PIP4K2A: variants seen among roughly 807,000 people sequenced by gnomAD.
The protein encoded by PIP4K2A is phosphatidylinositol-5-phosphate 4-kinase type 2 alpha, also known as phosphatidylinositol 5-phosphate 4-kinase type-2 alpha.
PIP4K2A carries 14 observed loss-of-function variants against 42.9 expected under a neutral mutation model. That is an observed-to-expected ratio of 0.33 (90% CI 0.22 to 0.51). The LOEUF is 0.51. PIP4K2A is among the 20% of genes least tolerant of loss of function. PIP4K2A has a pLI of 0.97. For missense variants in PIP4K2A, 434 were observed against 519.8 expected (o/e 0.83, Z 1.61); for synonymous variants, 192 against 192.2 (o/e 1.00, Z 0.01).
intron 1 of PIP4K2A, among the ~76,000 whole-genome samples, chr10:22,685,137 TTGAG>T (rs1391689521): frequency 3.3e-5 from 5 of 152,160 alleles, no homozygotes; most frequent in South Asian, 2.1e-4. Flanking sequence ...TCTGCTTGAA[TTGAG>T]TATTTAAAGT....
At chr10:22,687,947 T>C (rs1839795161) in intron 1 of PIP4K2A, among the ~76,000 whole-genome samples, 2 of 152,200 alleles carry the variant, frequency 1.3e-5, no homozygotes, top group Admixed American at 6.5e-5. Flanking sequence ...TTCACTATAG[T>C]CACTATTATC....
At chr10:22,594,929 C>G (rs1837599083) in intron 3 of PIP4K2A, among the ~76,000 whole-genome samples, 1 of 152,156 alleles carries the variant, frequency 6.6e-6, no homozygotes, top group South Asian at 2.1e-4. Context: ...TTTTAATAAT[C>G]CACGTGAGTA....
intron 1 of PIP4K2A, among the ~76,000 whole-genome samples, chr10:22,664,328 T>C (rs1357968381): frequency 6.7e-6 from 1 of 149,030 alleles, no homozygotes; most frequent in Non-Finnish European, 1.5e-5. Context: ...TCATCAGCAA[T>C]GTGTAACTGT....
At chr10:22,705,225 T>C (rs1221663985) in intron 1 of PIP4K2A, among the ~76,000 whole-genome samples, 1 of 151,762 alleles carries the variant, frequency 6.6e-6, no homozygotes, top group Non-Finnish European at 1.5e-5. Context: ...ATTTGAGATT[T>C]GTGGCAAATT....
intron 1 of PIP4K2A, among the ~76,000 whole-genome samples, chr10:22,641,385 A>T (rs1487818924): frequency 6.6e-6 from 1 of 152,132 alleles, no homozygotes; most frequent in East Asian, 1.9e-4. Flanking sequence ...ATAAGAGTGA[A>T]TTTTTGTTCT....
intron 9 of PIP4K2A, chr10:22,539,626 A>C (rs1836039001): frequency 4.4e-6 from 1 of 229,656 alleles, no homozygotes; most frequent in African/African-American, 2.3e-5. Context: ...GTAACATCCT[A>C]GTGATGCGCA....
At chr10:22,583,369 G>C (rs1837320904) in intron 4 of PIP4K2A, among the ~76,000 whole-genome samples, 1 of 152,218 alleles carries the variant, frequency 6.6e-6, no homozygotes, top group African/African-American at 2.4e-5. Context: ...ACACAATGGG[G>C]AGCTGGGGCC....
intron 1 of PIP4K2A, among the ~76,000 whole-genome samples, chr10:22,655,406 C>G (rs752019224): frequency 6.6e-6 from 1 of 152,206 alleles, no homozygotes; most frequent in Non-Finnish European, 1.5e-5. Flanking sequence ...CTTCCAGAAC[C>G]ATGGTAATTT....
At chr10:22,678,772 C>T (rs541645300) in intron 1 of PIP4K2A, among the ~76,000 whole-genome samples, 3 of 152,178 alleles carry the variant, frequency 2.0e-5, no homozygotes, top group African/African-American at 2.4e-5. Flanking sequence ...AATAAATGTA[C>T]ACAGTTTTGC....
chr10:22,637,643 C>T (rs1838695738), intron 1 of PIP4K2A, among the ~76,000 whole-genome samples: 1 of 152,158 alleles, frequency 6.6e-6, no homozygotes, highest in Non-Finnish European at 1.5e-5. Flanking sequence ...TGGAATCATC[C>T]AGGTGGCAAA....
chr10:22,589,757 TAGTA>T (rs1486369002), intron 4 of PIP4K2A, among the ~76,000 whole-genome samples: 3 of 152,214 alleles, frequency 2.0e-5, no homozygotes, highest in African/African-American at 2.4e-5. Flanking sequence ...AGCAGATACT[TAGTA>T]AGTGTGATTG....
chr10:22,596,358 G>A (rs1588651961), intron 3 of PIP4K2A, among the ~76,000 whole-genome samples: 1 of 152,282 alleles, frequency 6.6e-6, no homozygotes, highest in African/African-American at 2.4e-5. Flanking sequence ...CTCAGCAGGG[G>A]CCTAATGATG....
intron 3 of PIP4K2A, among the ~76,000 whole-genome samples, chr10:22,600,109 AAC>A (rs1240148341): frequency 1.3e-5 from 2 of 151,378 alleles, no homozygotes; most frequent in African/African-American, 2.4e-5. Context: ...CTCATTTAGT[AAC>A]AGTTACTTTT....
intron 3 of PIP4K2A, among the ~76,000 whole-genome samples, chr10:22,592,060 A>G (rs1260505427): frequency 3.3e-5 from 5 of 152,230 alleles, no homozygotes; most frequent in Non-Finnish European, 5.9e-5. Flanking sequence ...TTAATCACTT[A>G]GTTCTTTTCA....
In PIP4K2A at chr10:22,599,915, C is replaced by T. The variant is rs1230390062; in HGVS notation, c.339+8012G>A. 2.6e-5 allele frequency among the ~76,000 whole-genome samples: 4 copies of T among 152,160 alleles called. No individual in the cohort carries two copies. The South Asian group carries it at 6.2e-4, about 24-fold the overall frequency. ...TAACTGGAAATTTATTGTCCTTTCCCTTAAGAAAAGGATTAACGATGCTGT... is the reference window on the plus strand; with the variant it reads ...TAACTGGAAATTTATTGTCCTTTCCTTTAAGAAAAGGATTAACGATGCTGT... On this transcript the variant is annotated intron_variant, in intron 3 of 9. Transcript: ENST00000376573.
intron 1 of PIP4K2A, among the ~76,000 whole-genome samples, chr10:22,625,962 G>C (rs1299235231): frequency 6.6e-6 from 1 of 152,056 alleles, no homozygotes; most frequent in East Asian, 1.9e-4. Flanking sequence ...TTCTGATAAA[G>C]GCCTGTGCTT....
Position 22,713,972 on chromosome 10 carries a change from A to T in PIP4K2A, c.144+211T>A, listed in dbSNP as rs572921399. 318 of 500,854 alleles carry T rather than the reference A, an allele frequency of 6.3e-4. 3 individuals are homozygous for T. The highest frequency in any genetic ancestry group is 6.2e-3 in the African/African-American group (305 of 49,052). The allele number at this position is 500,854 out of a possible 1,614,324, so 31.0% of individuals were successfully genotyped here. A position where few individuals can be genotyped will look rare whatever the true frequency, so the allele number is the denominator to read the frequency against. On this transcript the variant is annotated intron_variant, in intron 1 of 9. Coordinates refer to ENST00000376573, the MANE Select transcript of PIP4K2A (RefSeq NM_005028.5). ...ACCCCCGACCCGCACCGGGCCATAG[A>T]TCTAAAGGGGACGCAAGTGGTGGTG...
intron 4 of PIP4K2A, among the ~76,000 whole-genome samples, chr10:22,588,488 T>A (rs1837446325): frequency 6.6e-6 from 1 of 152,220 alleles, no homozygotes; most frequent in Admixed American, 6.5e-5. Flanking sequence ...TTGGCATGAA[T>A]ATCTACGCTC....
chr10:22,658,374 T>C (rs1241389720), intron 1 of PIP4K2A, among the ~76,000 whole-genome samples: 1 of 152,246 alleles, frequency 6.6e-6, no homozygotes, highest in Non-Finnish European at 1.5e-5. Flanking sequence ...CCATCTCTAA[T>C]ACTTGAGGTA....
Sources: gnomAD v4.1 joint callset for allele counts (sites outside exome capture counted in the v4.1 genomes callset) on GRCh38, gnomAD v4.1.1 for gene constraint, MANE v1.5 for transcripts, NCBI Gene and HGNC (gene_info 2026-07-23, HGNC 2026-07-21) for gene names.